CRACD: variants seen among roughly 807,000 people sequenced by gnomAD.
CRACD encodes capping protein-inhibiting regulator of actin dynamics.
CRACD carries 56 observed loss-of-function variants against 106.8 expected under a neutral mutation model. The ratio of observed to expected loss-of-function variants is 0.52; its 90% CI spans 0.42 to 0.66. The LOEUF is 0.66. Among genes scored for constraint, CRACD ranks in the 30% least tolerant of loss-of-function variants. CRACD has a pLI of 0.00. For synonymous variants in CRACD, 754 were observed against 670.8 expected (o/e 1.12, Z -1.92); for missense variants, 1,730 against 1,623.2 (o/e 1.07, Z -1.13).
intron 1 of CRACD, among the ~76,000 whole-genome samples, chr4:56,061,131 C>T (rs865997439): frequency 3.3e-5 from 5 of 152,138 alleles, no homozygotes; most frequent in South Asian, 2.1e-4. Context: ...CTCTAAGGCC[C>T]GGCTTTTTCT....
chr4:56,119,743 T>C (rs959101157), intron 1 of CRACD, among the ~76,000 whole-genome samples: 12 of 152,314 alleles, frequency 7.9e-5, no homozygotes, highest in Admixed American at 2.6e-4. Flanking sequence ...ACCTCTCTTA[T>C]GACTCCACAC....
chr4:56,218,858 A>C (rs777440249), intron 2 of CRACD, among the ~76,000 whole-genome samples: 38 of 152,126 alleles, frequency 2.5e-4, no homozygotes, highest in Non-Finnish European at 4.6e-4. Context: ...AGAATTATTT[A>C]TTTCATAATG....
intron 1 of CRACD, among the ~76,000 whole-genome samples, chr4:56,166,688 A>AAG (rs1023400716): frequency 2.6e-5 from 4 of 151,612 alleles, no homozygotes; most frequent in Non-Finnish European, 4.4e-5. Flanking sequence ...AAAAAAAAAA[A>AAG]AAAACCATTT....
intron 2 of CRACD, among the ~76,000 whole-genome samples, chr4:56,186,393 G>A (rs1479575648): frequency 6.6e-6 from 1 of 152,178 alleles, no homozygotes; most frequent in Non-Finnish European, 1.5e-5. Context: ...TCCATCAAAT[G>A]TGATTGTTGT....
At chr4:56,089,304 T>C (rs2109817810) in intron 1 of CRACD, among the ~76,000 whole-genome samples, 1 of 152,258 alleles carries the variant, frequency 6.6e-6, no homozygotes, top group South Asian at 2.1e-4. Flanking sequence ...GTAAACACGA[T>C]GCTGTCCTCT....
intron 2 of CRACD, among the ~76,000 whole-genome samples, chr4:56,232,245 T>C (rs934041602): frequency 1.1e-4 from 16 of 152,220 alleles, no homozygotes; most frequent in Non-Finnish European, 2.2e-4. Flanking sequence ...ATCTGCCTTT[T>C]TTAACTCAAC....
At chr4:56,206,014 T>C (rs1738107845) in intron 2 of CRACD, among the ~76,000 whole-genome samples, 3 of 152,240 alleles carry the variant, frequency 2.0e-5, no homozygotes, top group African/African-American at 7.2e-5. Flanking sequence ...ATATGGGACT[T>C]TCACCATGAA....
chr4:56,294,337 T>TA (rs1407056346), intron 3 of CRACD, among the ~76,000 whole-genome samples: 1 of 152,124 alleles, frequency 6.6e-6, no homozygotes, highest in African/African-American at 2.4e-5. Flanking sequence ...ATCCACTAAT[T>TA]AAAAAATTAG....
intron 2 of CRACD, among the ~76,000 whole-genome samples, chr4:56,188,214 A>G (rs1047550544): frequency 6.6e-6 from 1 of 152,204 alleles, no homozygotes; most frequent in African/African-American, 2.4e-5. Flanking sequence ...ATTTTCAAAA[A>G]TCGATATCAT....
intron 1 of CRACD, among the ~76,000 whole-genome samples, chr4:56,077,850 G>A (rs17742722): frequency 0.024 from 3,665 of 152,268 alleles, 64 homozygotes; most frequent in Admixed American, 0.058. Flanking sequence ...ATAGGGTTAT[G>A]AACAGACTGC....
chr4:56,127,195 C>A (rs971661744), intron 1 of CRACD, among the ~76,000 whole-genome samples: 1 of 152,256 alleles, frequency 6.6e-6, no homozygotes, highest in African/African-American at 2.4e-5. Flanking sequence ...AGCAGGAGGG[C>A]CCTTGTCAGA....
At chr4:56,074,492 A>G (rs1429614090) in intron 1 of CRACD, among the ~76,000 whole-genome samples, 2 of 151,936 alleles carry the variant, frequency 1.3e-5, no homozygotes, top group African/African-American at 2.4e-5. Context: ...CTGTTTATCT[A>G]TTATTGGTGT....
intron 2 of CRACD, among the ~76,000 whole-genome samples, chr4:56,269,738 T>C (rs1415073555): frequency 1.3e-5 from 2 of 151,798 alleles, no homozygotes; most frequent in Admixed American, 6.6e-5. Context: ...GCTAATTTTG[T>C]AAGTTCCACA....
At chr4:56,110,833 G>C (rs1304621903) in intron 1 of CRACD, among the ~76,000 whole-genome samples, 1 of 152,194 alleles carries the variant, frequency 6.6e-6, no homozygotes, top group Admixed American at 6.5e-5. Flanking sequence ...CTGACCTCAA[G>C]TGATCCACCT....
chr4:56,285,973 C>G (rs1743316349), intron 3 of CRACD, among the ~76,000 whole-genome samples: 1 of 152,058 alleles, frequency 6.6e-6, no homozygotes, highest in African/African-American at 2.4e-5. Flanking sequence ...TTCATAGAGC[C>G]AGAGTACTTT....
intron 1 of CRACD, among the ~76,000 whole-genome samples, chr4:56,051,959 G>A (rs1399419851): frequency 6.6e-6 from 1 of 152,168 alleles, no homozygotes; most frequent in Admixed American, 6.5e-5. Flanking sequence ...ATAAAATAAT[G>A]TGGGCATAGC....
intron 2 of CRACD, among the ~76,000 whole-genome samples, chr4:56,223,384 A>G (rs1255898037): frequency 6.6e-6 from 1 of 152,112 alleles, no homozygotes; most frequent in Non-Finnish European, 1.5e-5. Flanking sequence ...GATTTAGATT[A>G]ATTTTCCCTT....
intron 1 of CRACD, among the ~76,000 whole-genome samples, chr4:56,144,180 A>G (rs1412635948): frequency 6.6e-6 from 1 of 152,166 alleles, no homozygotes; most frequent in Non-Finnish European, 1.5e-5. Context: ...TGTTAAGTAG[A>G]ACTAGAGCAA....
At chr4:56,125,764 CTTTTTTTTTTTT>C (rs11289899) in intron 1 of CRACD, among the ~76,000 whole-genome samples, 4 of 73,298 alleles carry the variant, frequency 5.5e-5, no homozygotes, top group African/African-American at 2.2e-4. Context: ...CATTCTTCTT[CTTTTTTTTTTTT>C]TTTTTTTTTT....
Sources: gnomAD v4.1 joint callset for allele counts (sites outside exome capture counted in the v4.1 genomes callset) on GRCh38, gnomAD v4.1.1 for gene constraint, MANE v1.5 for transcripts, NCBI Gene and HGNC (gene_info 2026-07-23, HGNC 2026-07-21) for gene names.